PRELID2: variants seen among roughly 807,000 people sequenced by gnomAD.
PRELID2 encodes the protein PRELI domain-containing protein 2.
In PRELID2, 25 loss-of-function variants were observed where a neutral mutation model predicts 28.4. That is an observed-to-expected ratio of 0.88 (90% CI 0.64 to 1.23). The LOEUF (loss-of-function observed/expected upper bound fraction) is 1.23. Among genes scored for constraint, PRELID2 ranks in the 50% most tolerant of loss-of-function variants. The pLI, the probability that PRELID2 is intolerant of heterozygous loss-of-function variation, is 0.00. For missense variants in PRELID2, 201 were observed against 214.4 expected (o/e 0.94, Z 0.39); for synonymous variants, 76 against 71.6 (o/e 1.06, Z -0.31).
At chr5:145,271,803 A>G in the PRELID2 span, among the ~76,000 whole-genome samples, 1 of 152,256 alleles carries the variant, frequency 6.6e-6, no homozygotes, top group African/African-American at 2.4e-5. Context: ...ATTCATCCGC[A>G]AGACATATCT....
At chr5:145,676,410 G>A (rs1326479524) in intron 1 of PRELID2, among the ~76,000 whole-genome samples, 2 of 151,620 alleles carry the variant, frequency 1.3e-5, no homozygotes, top group Non-Finnish European at 1.5e-5. Context: ...TTGGTGGCAG[G>A]TGCCTATAAT....
chr5:145,743,039 C>A (rs1200216805), intron 1 of PRELID2, among the ~76,000 whole-genome samples: 2 of 151,834 alleles, frequency 1.3e-5, no homozygotes, highest in South Asian at 2.1e-4. Context: ...ATTTGAATAG[C>A]CCTTTCAAGT....
At chr5:145,437,373 G>T in the PRELID2 span, 1 of 152,224 alleles carries the variant, frequency 6.6e-6, no homozygotes, top group East Asian at 1.9e-4. Context: ...ACTGAAGGAG[G>T]AAACAGAATC....
At chr5:145,261,046 T>C in the PRELID2 span, among the ~76,000 whole-genome samples, 535 of 152,220 alleles carry the variant, frequency 3.5e-3, 2 homozygotes, top group Non-Finnish European at 4.5e-3. Flanking sequence ...GGCTGCCAGC[T>C]TTCCCCAACT....
rs569080343 is a variant in PRELID2 at position 145,509,110 on chromosome 5, G to GA, written n.71-35796dup. Among the ~76,000 whole-genome samples the GA allele has an allele frequency of 2.3e-3, 349 of 152,258 alleles. 1 individual carries two copies. Among genetic ancestry groups the GA allele is most frequent in the African/African-American group, 7.9e-3 (329 of 41,544 alleles). On this transcript the variant is annotated intron_variant and non_coding_transcript_variant, in intron 1 of 2. Coordinates refer to the PRELID2 transcript ENST00000510259. ...AGAGTAGGTATTTGCATCCTGGGCT[G>GA]AAAAAATGAAGTGCATGTCACAGGA...
chr5:145,422,766 G>C, the PRELID2 span, among the ~76,000 whole-genome samples: 2 of 151,680 alleles, frequency 1.3e-5, no homozygotes, highest in Admixed American at 6.6e-5. Context: ...GTGTGAATTT[G>C]ATCCTGTCAT....
chr5:145,762,416 G>A (rs775937436), intron 6 of PRELID2, among the ~76,000 whole-genome samples: 2 of 151,748 alleles, frequency 1.3e-5, no homozygotes, highest in Non-Finnish European at 2.9e-5. Flanking sequence ...GCACGCCTAT[G>A]GTCCCAGCTA....
intron 1 of PRELID2, among the ~76,000 whole-genome samples, chr5:145,616,658 T>C (rs977421380): frequency 2.0e-5 from 3 of 152,150 alleles, no homozygotes; most frequent in Non-Finnish European, 2.9e-5. Flanking sequence ...ACAGAGATCA[T>C]GTGCTTCACA....
the PRELID2 span, among the ~76,000 whole-genome samples, chr5:145,340,770 C>CATATATATATATATATATATATATAT: frequency 2.1e-4 from 24 of 116,558 alleles, no homozygotes; most frequent in South Asian, 5.9e-4. Flanking sequence ...TAAAAATATA[C>CATATATATATATATATATATATATAT]ATATATATAT....
In PRELID2 at chr5:145,522,041, T is replaced by A. The variant is rs58927113; in HGVS notation, n.71-48726A>T. On this transcript the variant is annotated intron_variant and non_coding_transcript_variant, in intron 1 of 2. Transcript: ENST00000510259. The stretch of plus-strand genomic sequence containing the variant: ...AATTCATTCATTTGTTGAGAAATTT[T>A]AAAAATATAACAAAAAATAGACTAA... Among the ~76,000 whole-genome samples the A allele has an allele frequency of 7.5e-3, 1,148 of 152,306 alleles. 11 individuals carry two copies. The highest frequency in any genetic ancestry group is 0.026 in the African/African-American group (1,086 of 41,560).
At chr5:145,586,213 G>A (rs143694621) in intron 1 of PRELID2, among the ~76,000 whole-genome samples, 2 of 152,058 alleles carry the variant, frequency 1.3e-5, no homozygotes, top group Non-Finnish European at 2.9e-5. Context: ...TCCCCTGCCA[G>A]AAATGCCCTT....
chr5:145,765,154 A>C (rs935999579), intron 5 of PRELID2, among the ~76,000 whole-genome samples, 154 bp from the exon 6 acceptor site: 5 of 152,078 alleles, frequency 3.3e-5, no homozygotes, highest in Admixed American at 1.3e-4. Context: ...TTTTTTTAAT[A>C]TTTTACTCAG....
the PRELID2 span, among the ~76,000 whole-genome samples, chr5:145,363,077 G>A: frequency 6.9e-6 from 1 of 144,170 alleles, no homozygotes; most frequent in African/African-American, 2.6e-5. Flanking sequence ...AAAAAACAAG[G>A]CCTGCATTCT....
rs200309004 is a variant in PRELID2 at position 145,819,947 on chromosome 5, T to C, written c.205A>G (p.Lys69Glu). ...ATTACATTTTAAAATGAACTTACCT[T>C]CCTTAAAATTTCTGGAACCACGTTC... ...CQNVVPEILR[K>E]VSILKVPNIQ... Residue 69 changes from lysine to glutamate, a missense_variant and splice_region_variant, in exon 3 of 7, where the codon AAG becomes GAG. By Grantham distance (56) the Lys-to-Glu change is moderately conservative (BLOSUM62 1). Coordinates refer to ENST00000683046, the MANE Select transcript of PRELID2 (RefSeq NM_205846.3). 1.0e-5 allele frequency: 16 copies of C among 1,576,334 alleles called. No individual in the cohort carries two copies. Among genetic ancestry groups the C allele is most frequent in the East Asian group, 2.2e-5 (1 of 44,608 alleles).
At chr5:145,293,132 G>A in the PRELID2 span, among the ~76,000 whole-genome samples, 2 of 151,992 alleles carry the variant, frequency 1.3e-5, no homozygotes, top group Non-Finnish European at 2.9e-5. Flanking sequence ...GAGAGGACAG[G>A]TGCTCTACCA....
chr5:145,538,976 C>T (rs1752723704), intron 1 of PRELID2, among the ~76,000 whole-genome samples: 1 of 151,930 alleles, frequency 6.6e-6, no homozygotes, highest in Non-Finnish European at 1.5e-5. Context: ...CACCACAAAT[C>T]ATCTTGACCA....
the PRELID2 span, among the ~76,000 whole-genome samples, chr5:145,310,154 C>T: frequency 6.6e-6 from 1 of 152,098 alleles, no homozygotes; most frequent in Admixed American, 6.6e-5. Flanking sequence ...AAATGTAAAG[C>T]ATTTAGAAGG....
chr5:145,457,667 G>T, the PRELID2 span, among the ~76,000 whole-genome samples: 2 of 152,160 alleles, frequency 1.3e-5, no homozygotes, highest in Non-Finnish European at 2.9e-5. Context: ...CAGGTCTAAA[G>T]GACCAGAAGA....
chr5:145,663,964 A>G (rs571774883), intron 1 of PRELID2, among the ~76,000 whole-genome samples: 8 of 152,286 alleles, frequency 5.3e-5, no homozygotes, highest in African/African-American at 1.9e-4. Context: ...ACCAGAATAC[A>G]TCAAGGTAGA....
Sources: gnomAD v4.1 joint callset for allele counts (sites outside exome capture counted in the v4.1 genomes callset) on GRCh38, gnomAD v4.1.1 for gene constraint, MANE v1.5 for transcripts, NCBI Gene and HGNC (gene_info 2026-07-23, HGNC 2026-07-21) for gene names.